ZFPM2: variants seen among roughly 807,000 people sequenced by gnomAD.
ZFPM2 encodes zinc finger protein ZFPM2.
Under a neutral mutation model 98.6 loss-of-function variants are expected in ZFPM2, and 20 were observed. The observed-to-expected ratio is 0.20, with a 90% CI of 0.14 to 0.29. ZFPM2 has a LOEUF of 0.29. Among genes scored for constraint, ZFPM2 ranks in the 10% least tolerant of loss-of-function variants. The pLI is 1.00. For synonymous variants in ZFPM2, 518 were observed against 502.7 expected (o/e 1.03, Z -0.41); for missense variants, 1,310 against 1,388.6 (o/e 0.94, Z 0.90).
intron 3 of ZFPM2, among the ~76,000 whole-genome samples, chr8:105,558,939 A>G (rs528044653): frequency 6.6e-6 from 1 of 152,210 alleles, no homozygotes; most frequent in East Asian, 1.9e-4. Flanking sequence ...AATACTGAGA[A>G]CTCCTAGCCA....
chr8:105,424,453 AG>A (rs1811865641), intron 2 of ZFPM2, among the ~76,000 whole-genome samples: 1 of 152,158 alleles, frequency 6.6e-6, no homozygotes, highest in Non-Finnish European at 1.5e-5. Context: ...GTTTAAAAAG[AG>A]GGGTCATGAT....
chr8:105,330,945 A>G (rs1195048516), intron 1 of ZFPM2, among the ~76,000 whole-genome samples: 1 of 150,930 alleles, frequency 6.6e-6, no homozygotes, highest in African/African-American at 2.4e-5. Context: ...TCAAATGCCA[A>G]TTGCTTTGAT....
intron 4 of ZFPM2, among the ~76,000 whole-genome samples, chr8:105,576,464 G>A (rs959213973): frequency 6.6e-6 from 1 of 152,132 alleles, no homozygotes; most frequent in Non-Finnish European, 1.5e-5. Context: ...CCACTGCTGA[G>A]ACCTGATTGG....
At position 105,802,986 on chromosome 8, in the gene ZFPM2, C is replaced by A; in HGVS notation, c.2904C>A (p.Tyr968Ter). The A allele has an allele frequency of 6.2e-7, 1 of 1,612,868 alleles. No homozygotes were observed. Among genetic ancestry groups the A allele is most frequent in the Non-Finnish European group, 8.5e-7 (1 of 1,179,380 alleles). Residue 968 changes from tyrosine (Y) to a stop codon, truncating the protein, a stop_gained, in exon 8 of 8, where the codon TAC (tyrosine) becomes TAA (stop). Coordinates refer to ENST00000407775, the MANE Select transcript of ZFPM2 (RefSeq NM_012082.4). LOFTEE classifies it high-confidence loss of function. ...ATTTGTTTCTTCCACAATGCCTTTACCCTGGAGCAATAAAGAAAGCAAAAG... is the reference window on the plus strand; with the variant it reads ...ATTTGTTTCTTCCACAATGCCTTTAACCTGGAGCAATAAAGAAAGCAAAAG... ...NRHLFLPQCLYPGAIKKAKGA... is the reference protein window; with the variant it reads ...NRHLFLPQCL
At chr8:105,388,681 G>T (rs1811048480) in intron 1 of ZFPM2, among the ~76,000 whole-genome samples, 1 of 152,212 alleles carries the variant, frequency 6.6e-6, no homozygotes, top group African/African-American at 2.4e-5. Flanking sequence ...TTGAAAGGGA[G>T]TGAGGATGGA....
At chr8:105,712,836 C>T (rs1478605317) in intron 5 of ZFPM2, among the ~76,000 whole-genome samples, 1 of 152,042 alleles carries the variant, frequency 6.6e-6, no homozygotes, top group East Asian at 1.9e-4. Context: ...TGTTAATTCA[C>T]TTAGGATTAT....
intron 3 of ZFPM2, among the ~76,000 whole-genome samples, chr8:105,474,357 G>A (rs1189460334): frequency 1.3e-5 from 2 of 152,162 alleles, no homozygotes; most frequent in Non-Finnish European, 2.9e-5. Context: ...GCTACAACTA[G>A]CTCTTATTTA....
chr8:105,646,126 C>T (rs1363940820), intron 5 of ZFPM2, among the ~76,000 whole-genome samples: 2 of 148,576 alleles, frequency 1.3e-5, no homozygotes, highest in African/African-American at 2.4e-5. Flanking sequence ...CTATGGGACA[C>T]GTGTTCAAAA....
intron 4 of ZFPM2, among the ~76,000 whole-genome samples, chr8:105,596,763 T>A (rs868420883): frequency 1.9e-4 from 27 of 143,198 alleles, no homozygotes; most frequent in Non-Finnish European, 3.5e-4. Context: ...TTTTTTTTTT[T>A]AATGAGTGAT....
chr8:105,357,932 TC>T (rs985651421), intron 1 of ZFPM2, among the ~76,000 whole-genome samples: 3 of 152,160 alleles, frequency 2.0e-5, no homozygotes, highest in Admixed American at 2.0e-4. Flanking sequence ...ATTTTGCCAC[TC>T]TATTAGAATG....
At chr8:105,594,049 G>T (rs1305362755) in intron 4 of ZFPM2, among the ~76,000 whole-genome samples, 1 of 152,024 alleles carries the variant, frequency 6.6e-6, no homozygotes, top group Admixed American at 6.6e-5. Flanking sequence ...ATTCTCCAGG[G>T]GTTCCAGGGT....
chr8:105,653,685 A>G (rs78003026), intron 5 of ZFPM2, among the ~76,000 whole-genome samples: 1 of 152,164 alleles, frequency 6.6e-6, no homozygotes, highest in East Asian at 1.9e-4. Context: ...GGATAGAAAC[A>G]GTTAACCTTG....
intron 4 of ZFPM2, among the ~76,000 whole-genome samples, chr8:105,602,359 A>G (rs1022215013): frequency 6.6e-6 from 1 of 152,136 alleles, no homozygotes; most frequent in Non-Finnish European, 1.5e-5. Context: ...TTTAGTCAAT[A>G]TAAATATGGA....
At chr8:105,425,129 C>G (rs1811881026) in intron 2 of ZFPM2, among the ~76,000 whole-genome samples, 1 of 152,042 alleles carries the variant, frequency 6.6e-6, no homozygotes, top group African/African-American at 2.4e-5. Flanking sequence ...CACTGTCATA[C>G]CTGTAGAACC....
chr8:105,525,947 C>T (rs1563699780), intron 3 of ZFPM2, among the ~76,000 whole-genome samples: 2 of 152,006 alleles, frequency 1.3e-5, no homozygotes, highest in Non-Finnish European at 2.9e-5. Flanking sequence ...TATCAGCTTG[C>T]CTGGCCTAAG....
At chr8:105,671,859 G>A (rs1386544108) in intron 5 of ZFPM2, among the ~76,000 whole-genome samples, 1 of 152,116 alleles carries the variant, frequency 6.6e-6, no homozygotes, top group African/African-American at 2.4e-5. Context: ...AGCCCAGAGA[G>A]ACTAAGTAGC....
intron 4 of ZFPM2, among the ~76,000 whole-genome samples, chr8:105,568,970 A>G (rs538381867): frequency 2.0e-4 from 31 of 151,804 alleles, no homozygotes; most frequent in Non-Finnish European, 4.0e-4. Context: ...CCTCCTGGAA[A>G]CCCCTATTCC....
intron 1 of ZFPM2, among the ~76,000 whole-genome samples, chr8:105,330,619 T>TATATATACAC (rs1563606984): frequency 6.4e-4 from 57 of 88,472 alleles, no homozygotes; most frequent in Non-Finnish European, 8.4e-4. Flanking sequence ...TACACATATA[T>TATATATACAC]ATATATATAT....
At chr8:105,475,105 A>C (rs1812985861) in intron 3 of ZFPM2, among the ~76,000 whole-genome samples, 1 of 152,228 alleles carries the variant, frequency 6.6e-6, no homozygotes, top group Non-Finnish European at 1.5e-5. Context: ...AAGAGAGTTT[A>C]CAGTTGGTAA....
Sources: allele counts gnomAD v4.1 joint callset (sites outside exome capture counted in the v4.1 genomes callset), GRCh38; gene constraint gnomAD v4.1.1; transcripts MANE v1.5; gene names NCBI Gene and HGNC (gene_info 2026-07-23, HGNC 2026-07-21).